The following A4GNT variants were observed in gnomAD, a reference collection of about 807,000 sequenced individuals.
A4GNT encodes the protein alpha-1,4-N-acetylglucosaminyltransferase.
A neutral mutation model predicts 8.3 loss-of-function variants in A4GNT; 6 were observed. The observed-to-expected ratio is 0.72, with a 90% confidence interval of 0.39 to 1.42. A4GNT has a LOEUF of 1.42. Ranked by LOEUF, A4GNT falls within the 40% of genes most tolerant of loss-of-function variation. A4GNT has a pLI of 0.02. For synonymous variants in A4GNT, 157 were observed against 159.8 expected, an observed-to-expected ratio of 0.98 and a Z score of 0.13; for missense variants, 377 against 417.0, an observed-to-expected ratio of 0.90 and a Z score of 0.84.
In A4GNT at chr3:138,130,983, C is replaced by T. The variant is rs763309134; in HGVS notation, c.274G>A (p.Asp92Asn). The T allele has an allele frequency of 6.2e-7, 1 of 1,614,088 alleles. No homozygotes were observed. Among genetic ancestry groups the T allele is most frequent in the East Asian group, 2.2e-5 (1 of 44,884 alleles). The stretch of plus-strand genomic sequence containing the variant: ...GAGTTTGAGGGCATCGGTGTGGAAT[C>T]AGTAAGACCCTTCATAAAGAACACC... ...PVVFFMKGLT[D>N]STPMPSNSTY... Residue 92 changes from aspartate to asparagine, a missense_variant, in exon 2 of 3, where the codon GAT becomes AAT. By Grantham distance (23) the Asp-to-Asn change is conservative. Coordinates refer to ENST00000236709, the MANE Select transcript of A4GNT (RefSeq NM_016161.3).
Position 138,124,408 on chromosome 3 carries a change from C to T in A4GNT, c.879G>A (p.Met293Ile). Residue 293 changes from methionine (M) to isoleucine (I), a missense_variant, in exon 3 of 3, where the codon ATG becomes ATA. Coordinates refer to ENST00000236709, the MANE Select transcript of A4GNT (RefSeq NM_016161.3). Reference protein sequence around the residue: ...VSYALHLWNHMNQEGRAVIRG... With the variant: ...VSYALHLWNHINQEGRAVIRG... ...TAATCACAGCCCGCCCCTCCTGGTT[C>T]ATGTGGTTCCACAAATGCAGGGCAT... is the stretch of plus-strand genomic sequence containing the variant. 6.2e-7 allele frequency: 1 copy of T among 1,614,230 alleles called. No homozygotes were observed. The highest frequency in any genetic ancestry group is 2.2e-5 in the East Asian group (1 of 44,888).
Position 138,124,866 on chromosome 3 carries a change from C to CGCTG in A4GNT, c.417_420dup (p.Ala141GlnfsTer39). 1 of 1,610,544 alleles carries CGCTG rather than the reference C, an allele frequency of 6.2e-7. No individual in the cohort carries two copies. The highest frequency in any genetic ancestry group is 8.5e-7 in the Non-Finnish European group (1 of 1,178,244). ...CTGATGTGGAGCCAGTTTCTCTCTG[C>CGCTG]GCTGGCGTTGATCTGCAGGAGCAGG... On this transcript the variant is annotated frameshift_variant, in exon 3 of 3. Transcript: ENST00000236709. LOFTEE classifies it low-confidence loss of function (END_TRUNC).
rs985187159 is a variant in A4GNT at position 138,124,083 on chromosome 3, T to A, written c.*181A>T. On this transcript the variant is annotated 3_prime_UTR_variant, in exon 3 of 3. Coordinates refer to ENST00000236709, the MANE Select transcript of A4GNT (RefSeq NM_016161.3). ...AGCAGTCAAATGGACCATGGGTGTA[T>A]GTTTTATAGCCAGTATCATTTGGGA... The A allele has an allele frequency of 1.4e-5, 11 of 772,530 alleles. No individual in the cohort carries two copies. The highest frequency in any genetic ancestry group is 1.4e-4 in the African/African-American group (8 of 57,084). 47.9% of individuals were successfully genotyped at this position (772,530 alleles called of 1,614,324 possible).
Position 138,124,330 on chromosome 3 carries a change from A to C in A4GNT, c.957T>G (p.Thr319=), listed in dbSNP as rs143849375. The C allele has an allele frequency of 4.9e-5, 79 of 1,614,068 alleles. No homozygotes were observed. In the African/African-American group the frequency reaches 9.6e-4, roughly 20 times the overall value. The change falls in exon 3 of 3, where the codon ACT becomes ACG. Residue 319 remains threonine (T), a synonymous_variant. Coordinates refer to ENST00000236709, the MANE Select transcript of A4GNT (RefSeq NM_016161.3). ...CTGGGCCTTTAATCAGGTCCCTGTA[A>C]GTCCTGGGACAGTGCTTGCGATAGA... is the stretch of plus-strand genomic sequence containing the variant. ...ENLYRKHCPR[T]YRDLIKGPEG...
Position 138,131,021 on chromosome 3 carries a change from G to A in A4GNT, c.236C>T (p.Pro79Leu), listed in dbSNP as rs756603396. 2.3e-5 allele frequency: 37 copies of A among 1,614,008 alleles called. No individual in the cohort carries two copies. Among genetic ancestry groups the A allele is most frequent in the Non-Finnish European group, 3.1e-5 (37 of 1,180,028 alleles). ...CATAAAGAACACCACAGGCCACTCAGGATAAATCTTGGCAGCAGACTCTAC... is the reference window on the plus strand; with the variant it reads ...CATAAAGAACACCACAGGCCACTCAAGATAAATCTTGGCAGCAGACTCTAC... ...CSVESAAKIY[P>L]EWPVVFFMKG... Residue 79 changes from proline to leucine, a missense_variant, in exon 2 of 3, where the codon CCT becomes CTT. Transcript: ENST00000236709.
chr3:138,127,512 T>C (rs2042753025), intron 2 of A4GNT, among the ~76,000 whole-genome samples: 1 of 150,014 alleles, frequency 6.7e-6, no homozygotes, highest in South Asian at 2.1e-4. Flanking sequence ...AAGCGGAGGT[T>C]GTAGTGAGCC....
In A4GNT at chr3:138,124,375, G is replaced by T. The variant is rs2042731878; in HGVS notation, c.912C>A (p.Ser304Arg). 6.2e-7 allele frequency: 1 copy of T among 1,614,102 alleles called. No homozygotes were observed. Among genetic ancestry groups the T allele is most frequent in the Admixed American group, 1.7e-5 (1 of 60,008 alleles). ...GATAGAGATTTTCCACCAGTGTGTT[G>T]CTTCCTCTAATCACAGCCCGCCCCT... ...NQEGRAVIRGSNTLVENLYRK... is the reference protein window; with the variant it reads ...NQEGRAVIRGRNTLVENLYRK... The change falls in exon 3 of 3, where the codon AGC (serine) becomes AGA (arginine). Residue 304 changes from serine (S) to arginine (R), a missense_variant. By Grantham distance (110) the Ser-to-Arg change is moderately radical (BLOSUM62 -1). Coordinates refer to ENST00000236709, the MANE Select transcript of A4GNT (RefSeq NM_016161.3).
intron 1 of A4GNT, among the ~76,000 whole-genome samples, chr3:138,131,780 G>A (rs898845426): frequency 7.2e-5 from 11 of 152,118 alleles, no homozygotes; most frequent in African/African-American, 2.4e-4. Context: ...CTAACTTTAA[G>A]ATCCATTCAC....
intron 2 of A4GNT, among the ~76,000 whole-genome samples, chr3:138,126,687 G>A (rs1451533286): frequency 3.4e-5 from 5 of 149,002 alleles, no homozygotes; most frequent in African/African-American, 9.9e-5. Context: ...TTAGCCAGGC[G>A]TGGTGACAGG....
At position 138,124,078 on chromosome 3, in the gene A4GNT, G is replaced by A. The variant is rs1229037990; in HGVS notation, c.*186C>T. ...GGTCAAGCAGTCAAATGGACCATGG[G>A]TGTATGTTTTATAGCCAGTATCATT... On this transcript the variant is annotated 3_prime_UTR_variant, in exon 3 of 3. Coordinates refer to ENST00000236709, the MANE Select transcript of A4GNT (RefSeq NM_016161.3). 4 of 740,850 alleles carry A rather than the reference G, an allele frequency of 5.4e-6. No individual in the cohort carries two copies. In the East Asian group the frequency reaches 8.4e-5, roughly 16 times the overall value. 45.9% of individuals were successfully genotyped at this position (740,850 alleles called of 1,614,324 possible). A position where few individuals can be genotyped will look rare whatever the true frequency, so the allele number is the denominator to read the frequency against.
intron 2 of A4GNT, among the ~76,000 whole-genome samples, chr3:138,125,130 T>A (rs2042737988): frequency 6.6e-6 from 1 of 152,156 alleles, no homozygotes; most frequent in Admixed American, 6.5e-5. Flanking sequence ...CATGAAATGG[T>A]TTTTTTAAAA....
Position 138,126,829 on chromosome 3 carries a change from AAAAAAT to A in A4GNT, c.409-1957_409-1952del, listed in dbSNP as rs965971818. ...CCACGAGAGTGAAACTCCATCTCAA[AAAAAAT>A]AAAAATAAAAATAAGCCGGGCGTGG... On this transcript the variant is annotated intron_variant, in intron 2 of 2. Coordinates refer to ENST00000236709, the MANE Select transcript of A4GNT (RefSeq NM_016161.3). Among the ~76,000 whole-genome samples the A allele has an allele frequency of 3.1e-4, 47 of 150,094 alleles. 1 individual carries two copies. Among genetic ancestry groups the A allele is most frequent in the Middle Eastern group, 3.5e-3 (1 of 284 alleles).
chr3:138,130,497 A>G (rs1576523540), intron 2 of A4GNT, among the ~76,000 whole-genome samples: 1 of 152,226 alleles, frequency 6.6e-6, no homozygotes, highest in African/African-American at 2.4e-5. Flanking sequence ...CCTGGTTTCC[A>G]CTTTAGGTGA....
At chr3:138,131,388 A>T (rs1576524083) in intron 1 of A4GNT, 106 bp from the exon 2 acceptor site, 1 of 946,818 alleles carries the variant, frequency 1.1e-6, no homozygotes, top group Middle Eastern at 3.6e-4. Flanking sequence ...AATTTTAAAT[A>T]TCCTAAATAA....
chr3:138,125,453 G>A (rs2042740009), intron 2 of A4GNT, among the ~76,000 whole-genome samples: 1 of 152,186 alleles, frequency 6.6e-6, no homozygotes, highest in Admixed American at 6.5e-5. Flanking sequence ...TAAGGATACA[G>A]CAGTGAACAA....
At chr3:138,133,085 G>C (rs2042787342), upstream of A4GNT, among the ~76,000 whole-genome samples, 1 of 152,220 alleles carries the variant, frequency 6.6e-6, no homozygotes, top group African/African-American at 2.4e-5. Flanking sequence ...TCTGCTGAGA[G>C]TCACCTGTCT....
chr3:138,128,770 C>T (rs1205004018), intron 2 of A4GNT, among the ~76,000 whole-genome samples: 3 of 152,066 alleles, frequency 2.0e-5, no homozygotes, highest in Non-Finnish European at 4.4e-5. Flanking sequence ...GTGTCCCCTC[C>T]ACTCCCAGAA....
rs771948393 is a variant in A4GNT, at chr3:138,124,774, GATGACATCGGT to G, written c.502_512del (p.Thr168LeufsTer7). The G allele has an allele frequency of 6.2e-7, 1 of 1,614,184 alleles. No homozygotes were observed. The highest frequency in any genetic ancestry group is 1.7e-5 in the Admixed American group (1 of 60,020). ...TCTCCTCAGGGATGGGCCTGATGGAGATGACATCGGTGTCCATGTAGATGCCACCGTATTTC... is the reference window on the plus strand; with the variant it reads ...TCTCCTCAGGGATGGGCCTGATGGAGGTCCATGTAGATGCCACCGTATTTC... On this transcript the variant is annotated frameshift_variant, in exon 3 of 3. Transcript: ENST00000236709. LOFTEE classifies it low-confidence loss of function (END_TRUNC).
chr3:138,126,335 T>A (rs1320634487), intron 2 of A4GNT, among the ~76,000 whole-genome samples: 15 of 151,980 alleles, frequency 9.9e-5, no homozygotes, highest in Non-Finnish European at 2.9e-5. Flanking sequence ...TGTTCTCATA[T>A]GGAATGCTAA....
Sources: gnomAD v4.1 joint callset for allele counts (sites outside exome capture counted in the v4.1 genomes callset) on GRCh38, gnomAD v4.1.1 for gene constraint, MANE v1.5 for transcripts, NCBI Gene and HGNC (gene_info 2026-07-23, HGNC 2026-07-21) for gene names.